PSD3: variants seen among roughly 807,000 people sequenced by gnomAD.
The protein encoded by PSD3 is pleckstrin and Sec7 domain containing 3.
Under a neutral mutation model 105.5 loss-of-function variants are expected in PSD3, and 49 were observed. The ratio of observed to expected loss-of-function variants is 0.46; its 90% CI spans 0.37 to 0.59. The LOEUF (loss-of-function observed/expected upper bound fraction) is 0.59. Ranked by LOEUF, PSD3 falls within the 20% of genes least tolerant of loss-of-function variation. The probability of loss-of-function intolerance (pLI) is 0.00; values close to 1 mark genes in which losing one functional copy is unlikely to be tolerated. For synonymous variants in PSD3, 557 were observed against 457.8 expected (o/e 1.22, Z -2.77); for missense variants, 1,561 against 1,263.8 (o/e 1.24, Z -3.57).
intron 10 of PSD3, among the ~76,000 whole-genome samples, chr8:18,640,252 A>C (rs971821359): frequency 6.6e-6 from 1 of 152,106 alleles, no homozygotes; most frequent in Non-Finnish European, 1.5e-5. Context: ...GTGTAGGCTA[A>C]ATACTGCAAA....
At chr8:19,077,476 T>C (rs1586700617) in intron 1 of PSD3, among the ~76,000 whole-genome samples, 1 of 151,844 alleles carries the variant, frequency 6.6e-6, no homozygotes, top group African/African-American at 2.4e-5. Context: ...AAGGTGGACG[T>C]CCTTAAAAAA....
intron 1 of PSD3, among the ~76,000 whole-genome samples, chr8:18,946,196 A>G (rs1416778392): frequency 2.6e-5 from 4 of 152,168 alleles, no homozygotes; most frequent in Non-Finnish European, 5.9e-5. Context: ...TTGCTGAAAA[A>G]CAAAGAAAAC....
At chr8:18,921,850 T>C (rs1358612505) in intron 2 of PSD3, among the ~76,000 whole-genome samples, 1 of 152,168 alleles carries the variant, frequency 6.6e-6, no homozygotes, top group Non-Finnish European at 1.5e-5. Flanking sequence ...GGTGACCAAG[T>C]ACCTGTGCTC....
At chr8:18,865,679 C>G (rs1816874203) in intron 4 of PSD3, among the ~76,000 whole-genome samples, 1 of 152,024 alleles carries the variant, frequency 6.6e-6, no homozygotes, top group African/African-American at 2.4e-5. Context: ...TAGGAGTGCC[C>G]AGACTCGGGG....
rs942058650 is a variant in PSD3, at chr8:18,529,771, A to C, written c.*5972T>G. 3.3e-5 allele frequency: 5 copies of C among 152,632 alleles called. No individual in the cohort carries two copies. Among genetic ancestry groups the C allele is most frequent in the African/African-American group, 1.2e-4 (5 of 41,446 alleles). The allele number at this position is 152,632 out of a possible 1,614,324, so 9.5% of individuals were successfully genotyped here. A position where few individuals can be genotyped will look rare whatever the true frequency, so the allele number is the denominator to read the frequency against. On this transcript the variant is annotated 3_prime_UTR_variant, in exon 16 of 16. Transcript: ENST00000327040. The stretch of plus-strand genomic sequence containing the variant: ...AACATTTCAAATGGTTAAGGCCCAA[A>C]AATGAAACGTTTTGCTTCTCCTACT...
At chr8:19,066,530 T>G (rs1034132012) in intron 1 of PSD3, among the ~76,000 whole-genome samples, 1 of 152,224 alleles carries the variant, frequency 6.6e-6, no homozygotes, top group African/African-American at 2.4e-5. Flanking sequence ...CATCAGGTAC[T>G]GCAGAGTCTG....
chr8:19,076,715 T>A (rs1268523404), intron 1 of PSD3, among the ~76,000 whole-genome samples: 1 of 152,206 alleles, frequency 6.6e-6, no homozygotes, highest in Non-Finnish European at 1.5e-5. Context: ...AAGCAAAATT[T>A]GTTTTTTAAA....
At chr8:18,810,632 C>A (rs1811611542) in intron 4 of PSD3, among the ~76,000 whole-genome samples, 1 of 152,104 alleles carries the variant, frequency 6.6e-6, no homozygotes, top group Non-Finnish European at 1.5e-5. Flanking sequence ...CTGTATGACC[C>A]TGTATTTATA....
At chr8:18,564,305 G>A (rs1452875569) in intron 14 of PSD3, among the ~76,000 whole-genome samples, 1 of 152,102 alleles carries the variant, frequency 6.6e-6, no homozygotes, top group Admixed American at 6.6e-5. Context: ...GGTAGAATAT[G>A]ACAAAAATCT....
At chr8:19,028,731 G>A (rs1827656123) in intron 1 of PSD3, among the ~76,000 whole-genome samples, 2 of 152,074 alleles carry the variant, frequency 1.3e-5, no homozygotes, top group Non-Finnish European at 2.9e-5. Context: ...TTTGTGCTAT[G>A]TTGTGTCCTG....
intron 1 of PSD3, among the ~76,000 whole-genome samples, chr8:19,033,996 T>C (rs1009026716): frequency 3.3e-5 from 5 of 152,212 alleles, no homozygotes; most frequent in East Asian, 1.9e-4. Flanking sequence ...AACGTGATTA[T>C]ATACAGAAAA....
chr8:18,720,696 C>T (rs1802912568), intron 9 of PSD3, among the ~76,000 whole-genome samples: 1 of 152,110 alleles, frequency 6.6e-6, no homozygotes, highest in Non-Finnish European at 1.5e-5. Context: ...TGCCTGGCCA[C>T]CCCCACAGTG....
chr8:18,582,131 G>A (rs1414083243), intron 12 of PSD3, among the ~76,000 whole-genome samples: 1 of 152,126 alleles, frequency 6.6e-6, no homozygotes, highest in African/African-American at 2.4e-5. Context: ...AAAAGTCACA[G>A]GAAGGGGAAT....
intron 1 of PSD3, among the ~76,000 whole-genome samples, chr8:19,043,994 G>C (rs1828225343): frequency 6.6e-6 from 1 of 152,136 alleles, no homozygotes; most frequent in African/African-American, 2.4e-5. Context: ...CCAGGGCCCA[G>C]AGCACCTTCC....
chr8:18,829,795 A>T lies in PSD3; in HGVS notation c.1635-24897T>A, dbSNP rs559928209. On this transcript the variant is annotated intron_variant, in intron 4 of 15. Coordinates refer to ENST00000327040, the MANE Select transcript of PSD3 (RefSeq NM_015310.4). ...AAATACATGAGATGAATTAAAGGAT[A>T]CTCTACCGTTTGAGAGAATTTTTAC... Among the ~76,000 whole-genome samples the T allele has an allele frequency of 1.2e-4, 19 of 152,104 alleles. No homozygotes were observed. In the South Asian group the frequency reaches 3.9e-3, roughly 32 times the overall value.
chr8:18,662,576 A>T (rs1378460021), intron 9 of PSD3, among the ~76,000 whole-genome samples: 30 of 152,214 alleles, frequency 2.0e-4, no homozygotes. Flanking sequence ...CCTATCACTG[A>T]CTTGTACATT....
At chr8:18,868,117 T>G (rs1439010001) in intron 3 of PSD3, 48 bp from the exon 4 acceptor site, 1 of 1,520,516 alleles carries the variant, frequency 6.6e-7, no homozygotes, top group East Asian at 2.3e-5. Flanking sequence ...GTTAATGTCT[T>G]TATTTCTCCC....
At chr8:18,551,404 T>G (rs1163680176) in intron 15 of PSD3, among the ~76,000 whole-genome samples, 1 of 152,246 alleles carries the variant, frequency 6.6e-6, no homozygotes, top group African/African-American at 2.4e-5. Context: ...TGACTTTGAA[T>G]AGAATGTATT....
chr8:18,688,780 C>T (rs1315167718), intron 9 of PSD3, among the ~76,000 whole-genome samples: 1 of 152,202 alleles, frequency 6.6e-6, no homozygotes, highest in Non-Finnish European at 1.5e-5. Flanking sequence ...CCTGCCCCAT[C>T]TGGCTCTGAG....
Sources: allele counts gnomAD v4.1 joint callset (sites outside exome capture counted in the v4.1 genomes callset), GRCh38; gene constraint gnomAD v4.1.1; transcripts MANE v1.5; gene names NCBI Gene and HGNC (gene_info 2026-07-23, HGNC 2026-07-21).